TAFA1: variants seen among roughly 807,000 people sequenced by gnomAD.
TAFA1 encodes TAFA chemokine like family member 1, also known as chemokine-like protein TAFA-1.
In TAFA1, 4 loss-of-function variants were observed where a neutral mutation model predicts 18.5. That is an observed-to-expected ratio of 0.22 (90% CI 0.11 to 0.49). The LOEUF is 0.49. Among genes scored for constraint, TAFA1 ranks in the 20% least tolerant of loss-of-function variants. The probability of loss-of-function intolerance (pLI) is 0.98; values close to 1 mark genes in which losing one functional copy is unlikely to be tolerated. For missense variants in TAFA1, 147 were observed against 169.0 expected (o/e 0.87, Z 0.72); for synonymous variants, 56 against 55.2 (o/e 1.01, Z -0.06).
chr3:68,256,661 T>C (rs2067305128), intron 2 of TAFA1, among the ~76,000 whole-genome samples: 1 of 152,158 alleles, frequency 6.6e-6, no homozygotes, highest in African/African-American at 2.4e-5. Context: ...TGTAAAATGT[T>C]ATTTGGACAC....
chr3:68,117,500 T>C (rs983225755), intron 2 of TAFA1, among the ~76,000 whole-genome samples: 3 of 152,222 alleles, frequency 2.0e-5, no homozygotes, highest in African/African-American at 7.2e-5. Flanking sequence ...TGAAGTACAC[T>C]ATCTTTCAAT....
At chr3:68,226,457 C>T (rs1575691317) in intron 2 of TAFA1, among the ~76,000 whole-genome samples, 1 of 152,180 alleles carries the variant, frequency 6.6e-6, no homozygotes, top group East Asian at 1.9e-4. Flanking sequence ...CCTCTCCACT[C>T]CACTCTCACA....
chr3:68,367,147 A>G (rs1049078897), intron 2 of TAFA1, among the ~76,000 whole-genome samples: 2 of 152,224 alleles, frequency 1.3e-5, no homozygotes, highest in African/African-American at 2.4e-5. Context: ...GTGCTAGCAC[A>G]TAAATGATGA....
intron 3 of TAFA1, among the ~76,000 whole-genome samples, chr3:68,448,585 G>A (rs2071512673): frequency 6.6e-6 from 1 of 151,854 alleles, no homozygotes; most frequent in East Asian, 1.9e-4. Flanking sequence ...TGCAGTTAAA[G>A]GTTAATGGAA....
At chr3:68,237,725 T>G (rs2066945156) in intron 2 of TAFA1, among the ~76,000 whole-genome samples, 1 of 152,140 alleles carries the variant, frequency 6.6e-6, no homozygotes, top group Non-Finnish European at 1.5e-5. Flanking sequence ...TGTTAAAAAG[T>G]CAAAGTGTAT....
intron 2 of TAFA1, among the ~76,000 whole-genome samples, chr3:68,033,550 C>T (rs576118503): frequency 1.3e-5 from 2 of 152,126 alleles, no homozygotes; most frequent in South Asian, 2.1e-4. Context: ...AATTTCAATG[C>T]CTCCTCTGAG....
At chr3:68,498,502 A>T (rs534711348) in intron 3 of TAFA1, among the ~76,000 whole-genome samples, 1 of 152,290 alleles carries the variant, frequency 6.6e-6, no homozygotes, top group Middle Eastern at 3.4e-3. Context: ...GGGTCTGAGT[A>T]TCTGCATTTC....
chr3:68,263,619 G>A (rs1285001727), intron 2 of TAFA1, among the ~76,000 whole-genome samples: 1 of 150,118 alleles, frequency 6.7e-6, no homozygotes, highest in African/African-American at 2.4e-5. Context: ...GAGAGGCTGG[G>A]CCACTTGCTC....
At chr3:68,158,783 A>C (rs2065893308) in intron 2 of TAFA1, among the ~76,000 whole-genome samples, 1 of 152,136 alleles carries the variant, frequency 6.6e-6, no homozygotes. Context: ...ATTTCATGTA[A>C]TTTAATTGAA....
intron 3 of TAFA1, among the ~76,000 whole-genome samples, chr3:68,483,133 C>G (rs1186488078): frequency 1.3e-5 from 2 of 152,194 alleles, no homozygotes; most frequent in Non-Finnish European, 2.9e-5. Flanking sequence ...AGTAGTCTAG[C>G]TCAGCTATGC....
chr3:68,181,775 C>A (rs145579101), intron 2 of TAFA1, among the ~76,000 whole-genome samples: 3 of 151,984 alleles, frequency 2.0e-5, no homozygotes, highest in Non-Finnish European at 2.9e-5. Flanking sequence ...CAGCACACAT[C>A]GAAAGGAAAA....
At chr3:68,217,576 A>G (rs2066674835) in intron 2 of TAFA1, among the ~76,000 whole-genome samples, 1 of 152,052 alleles carries the variant, frequency 6.6e-6, no homozygotes, top group Non-Finnish European at 1.5e-5. Context: ...TTAGTTAATA[A>G]TATATTGAAA....
intron 2 of TAFA1, among the ~76,000 whole-genome samples, chr3:68,150,808 C>T (rs977923637): frequency 1.3e-5 from 2 of 151,872 alleles, no homozygotes; most frequent in Non-Finnish European, 2.9e-5. Flanking sequence ...CTCATTTTTG[C>T]CAGCTTTTAA....
chr3:68,457,970 G>A (rs2071697795), intron 3 of TAFA1, among the ~76,000 whole-genome samples: 1 of 152,096 alleles, frequency 6.6e-6, no homozygotes, highest in African/African-American at 2.4e-5. Context: ...ATCACTCATG[G>A]GTAAGCTCAT....
chr3:68,418,501 T>C (rs949515121), intron 3 of TAFA1, among the ~76,000 whole-genome samples: 10 of 148,118 alleles, frequency 6.8e-5, no homozygotes, highest in African/African-American at 2.0e-4. Context: ...TACACTTCTT[T>C]TGTGGTGGAA....
At chr3:68,450,844 T>C (rs2071557061) in intron 3 of TAFA1, among the ~76,000 whole-genome samples, 1 of 152,182 alleles carries the variant, frequency 6.6e-6, no homozygotes, top group Non-Finnish European at 1.5e-5. Context: ...GTAATTATGA[T>C]CTGATGTTGT....
chr3:68,467,907 CAG>C (rs1043385807), intron 3 of TAFA1, among the ~76,000 whole-genome samples: 2 of 152,142 alleles, frequency 1.3e-5, no homozygotes, highest in African/African-American at 4.8e-5. Flanking sequence ...TGATCAATGA[CAG>C]AATCTTTTTC....
intron 2 of TAFA1, among the ~76,000 whole-genome samples, chr3:68,406,200 G>A (rs553818014): frequency 6.6e-6 from 1 of 152,112 alleles, no homozygotes; most frequent in Non-Finnish European, 1.5e-5. Context: ...AGAAAAATTA[G>A]TATAGCCAGA....
chr3:68,131,844 G>A (rs1008423124), intron 2 of TAFA1, among the ~76,000 whole-genome samples: 1 of 151,260 alleles, frequency 6.6e-6, no homozygotes, highest in Non-Finnish European at 1.5e-5. Flanking sequence ...TTTTTTACCT[G>A]TGAAATAGGA....
Sources: allele counts gnomAD v4.1 joint callset (sites outside exome capture counted in the v4.1 genomes callset), GRCh38; gene constraint gnomAD v4.1.1; transcripts MANE v1.5; gene names NCBI Gene and HGNC (gene_info 2026-07-23, HGNC 2026-07-21).